Variants in THSD7B observed in about 807,000 individuals in gnomAD.
The protein encoded by THSD7B is thrombospondin type-1 domain-containing protein 7B.
In THSD7B, 138 loss-of-function variants were observed where a neutral mutation model predicts 213.6. That is an observed-to-expected ratio of 0.65 (90% CI 0.56 to 0.74). The LOEUF is 0.74. Among genes scored for constraint, THSD7B ranks in the 30% least tolerant of loss-of-function variants. THSD7B has a pLI of 0.00. For missense variants in THSD7B, 1,931 were observed against 1,991.5 expected (o/e 0.97, Z 0.58); for synonymous variants, 742 against 687.0 (o/e 1.08, Z -1.25).
chr2:136,944,966 G>A (rs1420353673), intron 2 of THSD7B, among the ~76,000 whole-genome samples: 1 of 152,124 alleles, frequency 6.6e-6, no homozygotes, highest in African/African-American at 2.4e-5. Context: ...ATTAGTTGAT[G>A]CAGTTTCTTT....
chr2:136,939,725 A>C (rs1466682421), intron 2 of THSD7B, among the ~76,000 whole-genome samples: 1 of 152,158 alleles, frequency 6.6e-6, no homozygotes, highest in Non-Finnish European at 1.5e-5. Context: ...TCTTACCTCT[A>C]CACACGTTGT....
chr2:137,049,700 G>A (rs1385454734), intron 2 of THSD7B, among the ~76,000 whole-genome samples: 1 of 152,186 alleles, frequency 6.6e-6, no homozygotes, highest in East Asian at 1.9e-4. Context: ...AAGGCAGGAA[G>A]GATCTCATTT....
chr2:137,058,167 A>T (rs1468841298), intron 3 of THSD7B, among the ~76,000 whole-genome samples: 1 of 149,412 alleles, frequency 6.7e-6, no homozygotes, highest in Non-Finnish European at 1.5e-5. Flanking sequence ...TAATGTGATG[A>T]TTGTTTTTTT....
At chr2:137,485,424 G>C (rs967461768) in intron 15 of THSD7B, among the ~76,000 whole-genome samples, 1 of 152,104 alleles carries the variant, frequency 6.6e-6, no homozygotes. Context: ...GGTTACTGTA[G>C]CTTTGTAGTA....
intron 17 of THSD7B, among the ~76,000 whole-genome samples, chr2:137,588,623 A>G (rs902215732): frequency 2.0e-5 from 3 of 151,922 alleles, no homozygotes; most frequent in African/African-American, 7.3e-5. Flanking sequence ...TCCAGCACAC[A>G]TAGATTTTTT....
chr2:137,183,158 T>A (rs913062146), intron 7 of THSD7B, among the ~76,000 whole-genome samples: 2 of 152,108 alleles, frequency 1.3e-5, no homozygotes, highest in African/African-American at 2.4e-5. Flanking sequence ...TTTGTAAAAT[T>A]TTTGTTTTAT....
chr2:137,442,889 T>C (rs1687448286), intron 14 of THSD7B, among the ~76,000 whole-genome samples: 1 of 152,166 alleles, frequency 6.6e-6, no homozygotes, highest in Non-Finnish European at 1.5e-5. Context: ...GAAGACTTCA[T>C]ATAGGCACTT....
chr2:136,814,777 A>G (rs1282653555), intron 1 of THSD7B, among the ~76,000 whole-genome samples: 1 of 152,156 alleles, frequency 6.6e-6, no homozygotes, highest in African/African-American at 2.4e-5. Context: ...ATCAGCTTAT[A>G]TGGCAGCTAT....
At chr2:137,400,068 C>A (rs1686315507) in intron 12 of THSD7B, among the ~76,000 whole-genome samples, 1 of 151,894 alleles carries the variant, frequency 6.6e-6, no homozygotes, top group South Asian at 2.1e-4. Context: ...ATCTTATCAC[C>A]TTGGTAATTT....
chr2:136,827,519 C>T (rs1682667522), intron 1 of THSD7B, among the ~76,000 whole-genome samples: 1 of 152,160 alleles, frequency 6.6e-6, no homozygotes, highest in Non-Finnish European at 1.5e-5. Context: ...AGATGGCCTG[C>T]CTCTGCTGCC....
At chr2:137,309,890 T>G (rs58696948) in intron 12 of THSD7B, among the ~76,000 whole-genome samples, 8,432 of 152,156 alleles carry the variant, frequency 0.055, 313 homozygotes, top group East Asian at 0.1. Context: ...CCGCATTTTC[T>G]TAATCTGGTC....
intron 12 of THSD7B, among the ~76,000 whole-genome samples, chr2:137,371,578 AT>A (rs1685536066): frequency 6.6e-6 from 1 of 152,142 alleles, no homozygotes. Context: ...ATTAGTTTGA[AT>A]AATTTTTTAA....
chr2:137,182,156 A>G (rs972966154), intron 7 of THSD7B, among the ~76,000 whole-genome samples: 2 of 152,176 alleles, frequency 1.3e-5, no homozygotes, highest in African/African-American at 2.4e-5. Context: ...AAGGGAAAGT[A>G]TAACTACCTC....
chr2:137,555,246 G>T (rs933361963), intron 15 of THSD7B, among the ~76,000 whole-genome samples: 2 of 152,170 alleles, frequency 1.3e-5, no homozygotes, highest in South Asian at 2.1e-4. Context: ...GACTGCCTCC[G>T]CAAGTGGGTC....
chr2:137,553,272 C>A (rs1021265972), intron 15 of THSD7B, among the ~76,000 whole-genome samples: 2 of 152,118 alleles, frequency 1.3e-5, no homozygotes, highest in African/African-American at 4.8e-5. Flanking sequence ...TACAGAAAGG[C>A]AGAAGCTGTA....
At chr2:136,918,973 C>T (rs1458589592) in intron 2 of THSD7B, among the ~76,000 whole-genome samples, 1 of 152,158 alleles carries the variant, frequency 6.6e-6, no homozygotes, top group Non-Finnish European at 1.5e-5. Context: ...TTTGTATGCT[C>T]TTCATGAAGG....
intron 2 of THSD7B, among the ~76,000 whole-genome samples, chr2:136,934,014 C>G (rs1313486794): frequency 6.6e-6 from 1 of 152,098 alleles, no homozygotes; most frequent in Non-Finnish European, 1.5e-5. Context: ...GACAGTTTGC[C>G]AGGCAGCCTT....
At chr2:137,372,551 A>C (rs1685556114) in intron 12 of THSD7B, among the ~76,000 whole-genome samples, 1 of 151,842 alleles carries the variant, frequency 6.6e-6, no homozygotes, top group South Asian at 2.1e-4. Context: ...ATGTCAGGAC[A>C]TTTCAAAGTA....
chr2:137,342,297 CCAGA>C (rs776032006), intron 12 of THSD7B, among the ~76,000 whole-genome samples: 70 of 150,542 alleles, frequency 4.6e-4, no homozygotes, highest in Non-Finnish European at 8.5e-4. Context: ...TTTTTTTTTC[CCAGA>C]CAGTTTATTG....
Sources: allele counts gnomAD v4.1 joint callset (sites outside exome capture counted in the v4.1 genomes callset), GRCh38; gene constraint gnomAD v4.1.1; transcripts MANE v1.5; gene names NCBI Gene and HGNC (gene_info 2026-07-23, HGNC 2026-07-21).